CSMD3: variants seen among roughly 807,000 people sequenced by gnomAD.
CSMD3 encodes CUB and sushi domain-containing protein 3.
Under a neutral mutation model 435.2 loss-of-function variants are expected in CSMD3, and 177 were observed. The observed-to-expected ratio is 0.41, with a 90% CI of 0.36 to 0.46. The LOEUF (loss-of-function observed/expected upper bound fraction) is 0.46. CSMD3 is among the 20% of genes least tolerant of loss of function. The pLI is 0.34. For synonymous variants in CSMD3, 1,656 were observed against 1,520.5 expected (o/e 1.09, Z -2.07); for missense variants, 4,265 against 4,504.6 (o/e 0.95, Z 1.52).
chr8:113,250,183 T>C (rs1299152187), intron 3 of CSMD3, among the ~76,000 whole-genome samples: 1 of 152,094 alleles, frequency 6.6e-6, no homozygotes, highest in African/African-American at 2.4e-5. Context: ...TAATCTTTTT[T>C]TACACATTTA....
At chr8:112,992,106 T>C (rs2085477324) in intron 6 of CSMD3, among the ~76,000 whole-genome samples, 1 of 151,866 alleles carries the variant, frequency 6.6e-6, no homozygotes, top group East Asian at 1.9e-4. Flanking sequence ...ATGTTTAAGG[T>C]CTATAAAATT....
At chr8:112,603,124 C>T (rs1038777278) in intron 22 of CSMD3, among the ~76,000 whole-genome samples, 12 of 152,180 alleles carry the variant, frequency 7.9e-5, no homozygotes, top group Admixed American at 7.2e-4. Context: ...GTGATACACC[C>T]ACCTCGCCCT....
intron 3 of CSMD3, among the ~76,000 whole-genome samples, chr8:113,270,594 G>C (rs2093515251): frequency 6.6e-6 from 1 of 152,060 alleles, no homozygotes; most frequent in Non-Finnish European, 1.5e-5. Flanking sequence ...AACAATGATA[G>C]ACTGGATTAA....
At chr8:112,433,672 AGAAAG>A (rs1177304368) in intron 32 of CSMD3, among the ~76,000 whole-genome samples, 23 of 127,216 alleles carry the variant, frequency 1.8e-4, no homozygotes, top group South Asian at 5.1e-4. Flanking sequence ...AAAAAAAAAA[AGAAAG>A]AAAGAAAGAA....
At chr8:113,287,161 T>C (rs1041185351) in intron 2 of CSMD3, among the ~76,000 whole-genome samples, 1 of 152,020 alleles carries the variant, frequency 6.6e-6, no homozygotes, top group Non-Finnish European at 1.5e-5. Context: ...GTACTGCTAA[T>C]GCTAAGATAT....
chr8:112,224,966 TTTCTTCC>T (rs1217731856), intron 70 of CSMD3, 36 bp from the exon 71 acceptor site: 1 of 1,604,176 alleles, frequency 6.2e-7, no homozygotes, highest in Non-Finnish European at 8.5e-7. Context: ...ATGTGTTAAC[TTTCTTCC>T]AGAAACAGCA....
intron 11 of CSMD3, among the ~76,000 whole-genome samples, chr8:112,837,740 T>C (rs564010104): frequency 6.6e-6 from 1 of 151,096 alleles, no homozygotes; most frequent in South Asian, 2.1e-4. Context: ...CCAAACTCTA[T>C]GTTGCTAAAA....
intron 20 of CSMD3, among the ~76,000 whole-genome samples, chr8:112,640,414 A>C (rs372536721): frequency 2.0e-5 from 3 of 152,222 alleles, no homozygotes; most frequent in African/African-American, 7.2e-5. Context: ...AATTCTTAAG[A>C]GTCTCCATTG....
At chr8:113,225,910 A>G (rs1306008659) in intron 3 of CSMD3, among the ~76,000 whole-genome samples, 4 of 151,502 alleles carry the variant, frequency 2.6e-5, no homozygotes, top group Non-Finnish European at 5.9e-5. Context: ...AAGTGAGTAG[A>G]TCATGAAGGC....
intron 32 of CSMD3, among the ~76,000 whole-genome samples, chr8:112,461,933 C>T (rs955820472): frequency 3.3e-5 from 5 of 152,142 alleles, no homozygotes; most frequent in Non-Finnish European, 5.9e-5. Context: ...CTTCCAGTAG[C>T]ATACTCTTTA....
At chr8:112,268,350 A>G (rs1817150925) in intron 59 of CSMD3, among the ~76,000 whole-genome samples, 1 of 152,252 alleles carries the variant, frequency 6.6e-6, no homozygotes. Context: ...ATCTGGCATC[A>G]TTTATGATAA....
At chr8:112,322,654 A>T (rs533349475) in intron 45 of CSMD3, among the ~76,000 whole-genome samples, 1 of 151,954 alleles carries the variant, frequency 6.6e-6, no homozygotes, top group Non-Finnish European at 1.5e-5. Flanking sequence ...CTCAATTCCC[A>T]ATTCTATATT....
At chr8:113,372,210 T>A (rs2094349972) in intron 1 of CSMD3, among the ~76,000 whole-genome samples, 1 of 152,186 alleles carries the variant, frequency 6.6e-6, no homozygotes, top group African/African-American at 2.4e-5. Context: ...AAAAATTGTA[T>A]GAAGTACCAT....
intron 6 of CSMD3, among the ~76,000 whole-genome samples, chr8:112,995,183 A>G (rs1429307578): frequency 6.6e-6 from 1 of 151,528 alleles, no homozygotes; most frequent in African/African-American, 2.4e-5. Flanking sequence ...TAGAAAGATC[A>G]TGTCTGAATT....
chr8:113,286,715 A>G (rs956325052), intron 2 of CSMD3, among the ~76,000 whole-genome samples: 3 of 152,022 alleles, frequency 2.0e-5, no homozygotes, highest in Non-Finnish European at 2.9e-5. Context: ...GTAAAAAAAA[A>G]AGACTCTATT....
chr8:112,248,006 G>A (rs963585287), intron 63 of CSMD3, among the ~76,000 whole-genome samples: 1 of 152,142 alleles, frequency 6.6e-6, no homozygotes, highest in Non-Finnish European at 1.5e-5. Flanking sequence ...AGGGTAGGTA[G>A]AGGTTTGGGA....
intron 27 of CSMD3, among the ~76,000 whole-genome samples, chr8:112,526,707 C>A (rs1308630810): frequency 6.6e-6 from 1 of 151,522 alleles, no homozygotes; most frequent in Non-Finnish European, 1.5e-5. Context: ...AATTTGTGGC[C>A]TTTGCTCACT....
chr8:112,235,196 A>G lies in CSMD3; in HGVS notation c.10628-719T>C, dbSNP rs371336511. On this transcript the variant is annotated intron_variant, in intron 67 of 70. Coordinates refer to ENST00000297405, the MANE Select transcript of CSMD3 (RefSeq NM_198123.2). ...GGAGTTCCAGACCAGCCTAAGCAAC[A>G]TGGCAAAACCCCATCTTTACAAAAA... Among the ~76,000 whole-genome samples the G allele has an allele frequency of 2.4e-4, 36 of 152,266 alleles. 1 individual carries two copies. In the East Asian group the frequency reaches 6.2e-3, roughly 26 times the overall value.
intron 68 of CSMD3, among the ~76,000 whole-genome samples, chr8:112,234,004 T>C (rs1356207931): frequency 6.6e-6 from 1 of 152,118 alleles, no homozygotes; most frequent in Admixed American, 6.6e-5. Flanking sequence ...TTATATTTTA[T>C]CCAGATTTAT....
Sources: allele counts gnomAD v4.1 joint callset (sites outside exome capture counted in the v4.1 genomes callset), GRCh38; gene constraint gnomAD v4.1.1; transcripts MANE v1.5; gene names NCBI Gene and HGNC (gene_info 2026-07-23, HGNC 2026-07-21).